Variants in PDE4D observed in about 807,000 individuals in gnomAD.
The protein encoded by PDE4D is phosphodiesterase 4D.
Under a neutral mutation model 87.4 loss-of-function variants are expected in PDE4D, and 24 were observed. That is an observed-to-expected ratio of 0.27 (90% CI 0.20 to 0.39). The LOEUF (loss-of-function observed/expected upper bound fraction) is 0.39. PDE4D is among the 10% of genes least tolerant of loss of function. The pLI, the probability that PDE4D is intolerant of heterozygous loss-of-function variation, is 1.00. For missense variants in PDE4D, 714 were observed against 1,041.0 expected (o/e 0.69, Z 4.32); for synonymous variants, 384 against 383.2 (o/e 1.00, Z -0.02).
chr5:60,260,147 G>C (rs2149701710), intron 1 of PDE4D, among the ~76,000 whole-genome samples: 1 of 151,702 alleles, frequency 6.6e-6, no homozygotes, highest in South Asian at 2.1e-4. Context: ...TTTTTAAATG[G>C]GACCATTTTT....
intron 1 of PDE4D, among the ~76,000 whole-genome samples, chr5:60,318,688 A>G (rs997502704): frequency 6.6e-6 from 1 of 152,144 alleles, no homozygotes. Flanking sequence ...TGGTGGTGAC[A>G]AAATCTCTCA....
At chr5:59,616,943 A>ATATATATATATATATATATATC (rs1351290068) in intron 1 of PDE4D, among the ~76,000 whole-genome samples, 8 of 139,170 alleles carry the variant, frequency 5.7e-5, no homozygotes, top group East Asian at 2.1e-4. Context: ...ATATATATAT[A>ATATATATATATATATATATATC]TATCTCCAAG....
At chr5:59,979,444 T>TGTGTGTGTGTGTG in intron 3 of PDE4D, among the ~76,000 whole-genome samples, 1 of 45,410 alleles carries the variant, frequency 2.2e-5, no homozygotes, top group Non-Finnish European at 7.6e-5. Context: ...GTGTGTGTGT[T>TGTGTGTGTGTGTG]TATGATAACA....
At chr5:60,047,159 G>A (rs970700463) in intron 2 of PDE4D, among the ~76,000 whole-genome samples, 247 of 152,118 alleles carry the variant, frequency 1.6e-3, no homozygotes, top group Non-Finnish European at 1.8e-3. Context: ...TTGCGTAGAG[G>A]TGTTTGTAGT....
intron 1 of PDE4D, among the ~76,000 whole-genome samples, chr5:60,481,308 G>T (rs570021953): frequency 1.3e-5 from 2 of 152,014 alleles, no homozygotes; most frequent in South Asian, 2.1e-4. Context: ...GATTTGGAGA[G>T]ATTTTTTAAA....
chr5:59,844,942 A>C (rs1743597642), intron 1 of PDE4D, among the ~76,000 whole-genome samples: 1 of 151,968 alleles, frequency 6.6e-6, no homozygotes, highest in African/African-American at 2.4e-5. Context: ...GCTGGTCTTG[A>C]AGTAAGTGGC....
intron 1 of PDE4D, chr5:59,703,598 C>T (rs773358513): frequency 1.9e-6 from 1 of 534,510 alleles, no homozygotes; most frequent in South Asian, 1.4e-5. Context: ...CAGCCGACTT[C>T]ACAATGAAAT....
intron 1 of PDE4D, among the ~76,000 whole-genome samples, chr5:59,717,610 A>G (rs2150540102): frequency 6.6e-6 from 1 of 152,362 alleles, no homozygotes; most frequent in Non-Finnish European, 1.5e-5. Context: ...AAAAATTATT[A>G]GGATAGATCC....
intron 1 of PDE4D, among the ~76,000 whole-genome samples, chr5:59,582,201 T>A (rs1188351379): frequency 6.6e-6 from 1 of 152,174 alleles, no homozygotes; most frequent in East Asian, 1.9e-4. Flanking sequence ...AATTTTAAGT[T>A]AACTAAAAGG....
intron 3 of PDE4D, among the ~76,000 whole-genome samples, chr5:59,921,437 T>C (rs1300831485): frequency 6.6e-6 from 1 of 152,164 alleles, no homozygotes; most frequent in Non-Finnish European, 1.5e-5. Context: ...GGGATAGATA[T>C]GAGTACTACA....
At chr5:60,492,909 A>G (rs1176798995), upstream of PDE4D, among the ~76,000 whole-genome samples, 2 of 152,160 alleles carry the variant, frequency 1.3e-5, no homozygotes, top group Non-Finnish European at 2.9e-5. Context: ...GATTAAAAAA[A>G]AGAAGAAAAG....
chr5:59,464,883 A>G (rs2153648226), intron 1 of PDE4D, among the ~76,000 whole-genome samples: 1 of 152,286 alleles, frequency 6.6e-6, no homozygotes, highest in Non-Finnish European at 1.5e-5. Flanking sequence ...AAAGCATTGG[A>G]GGACAAAAAA....
intron 1 of PDE4D, among the ~76,000 whole-genome samples, chr5:59,443,906 AT>A (rs1240280512): frequency 6.6e-6 from 1 of 152,020 alleles, no homozygotes; most frequent in African/African-American, 2.4e-5. Flanking sequence ...TCATATGGAA[AT>A]TTTTTTAAAG....
intron 1 of PDE4D, among the ~76,000 whole-genome samples, chr5:59,762,874 TATATATATATATATATATAG>T (rs1253086688): frequency 1.5e-5 from 2 of 131,238 alleles, no homozygotes; most frequent in Non-Finnish European, 3.3e-5. Flanking sequence ...TATATATATA[TATATATATATATATATATAG>T]CTTGCTCTTT....
intron 1 of PDE4D, among the ~76,000 whole-genome samples, chr5:60,517,880 C>T (rs948415789): frequency 1.3e-5 from 2 of 152,214 alleles, no homozygotes; most frequent in African/African-American, 4.8e-5. Context: ...GAAACACACC[C>T]CTTGCTTGCC....
chr5:60,239,332 A>G (rs982782182), intron 1 of PDE4D, among the ~76,000 whole-genome samples: 4 of 152,076 alleles, frequency 2.6e-5, no homozygotes, highest in East Asian at 1.9e-4. Flanking sequence ...CTTAATCACT[A>G]TACTTTTACA....
chr5:60,411,548 C>T (rs1403601624), intron 1 of PDE4D, among the ~76,000 whole-genome samples: 2 of 152,032 alleles, frequency 1.3e-5, no homozygotes, highest in East Asian at 3.8e-4. Context: ...AAAGTAATCA[C>T]CATGTAAAAA....
chr5:59,081,055 A>G lies in PDE4D; in HGVS notation c.809-42084T>C, dbSNP rs148164636. Among the ~76,000 whole-genome samples, 38 of 152,302 alleles carry G rather than the reference A, an allele frequency of 2.5e-4. No homozygotes were observed. The East Asian group carries it at 4.8e-3, about 19-fold the overall frequency. ...GTAAAAATTAATAGTCACATTATTGATTATCATGATTGGAAATGTATTTGA... is the reference window on the plus strand; with the variant it reads ...GTAAAAATTAATAGTCACATTATTGGTTATCATGATTGGAAATGTATTTGA... On this transcript the variant is annotated intron_variant, in intron 5 of 14. Transcript: ENST00000340635.
intron 6 of PDE4D, among the ~76,000 whole-genome samples, chr5:59,028,245 A>G (rs1330963860): frequency 6.6e-6 from 1 of 152,072 alleles, no homozygotes; most frequent in Non-Finnish European, 1.5e-5. Flanking sequence ...AAATAAAGGA[A>G]TAAAACATAT....
Sources: gnomAD v4.1 joint callset for allele counts (sites outside exome capture counted in the v4.1 genomes callset) on GRCh38, gnomAD v4.1.1 for gene constraint, MANE v1.5 for transcripts, NCBI Gene and HGNC (gene_info 2026-07-23, HGNC 2026-07-21) for gene names.